ADAM29: variants seen among roughly 807,000 people sequenced by gnomAD.
The protein encoded by ADAM29 is ADAM metallopeptidase domain 29.
For synonymous variants in ADAM29, 367 were observed against 342.3 expected (o/e 1.07, Z -0.80); for missense variants, 969 against 1,001.8 (o/e 0.97, Z 0.44).
chr4:174,976,927 T>A lies in ADAM29; in HGVS notation c.1402T>A (p.Cys468Ser). 6.2e-7 allele frequency: 1 copy of A among 1,614,082 alleles called. No homozygotes were observed. The highest frequency in any genetic ancestry group is 8.5e-7 in the Non-Finnish European group (1 of 1,180,016). ...EVNECDLPEW[C>S]NGTSHKCPDD... is the part of the protein sequence containing the mutation. The stretch of plus-strand genomic sequence containing the variant: ...CAATGAATGTGATCTTCCAGAGTGG[T>A]GCAATGGTACTTCCCATAAGTGCCC... The change falls in exon 5 of 5, where the codon TGC (cysteine) becomes AGC (serine). Residue 468 changes from cysteine to serine, a missense_variant. Transcript: ENST00000359240.
Position 174,938,553 on chromosome 4 carries a change from GTTTCATAAAATAATGT to G in ADAM29, c.-181+1552_-181+1567del, listed in dbSNP as rs375668136. ...TTTTAAATATTCAGACTTTGCTCAGGTTTCATAAAATAATGTTTTCATAAAATGTACAGCAAAACAA... is the reference window on the plus strand; with the variant it reads ...TTTTAAATATTCAGACTTTGCTCAGGTTTCATAAAATGTACAGCAAAACAA... On this transcript the variant is annotated intron_variant, in intron 4 of 4. Coordinates refer to ENST00000359240, the MANE Select transcript of ADAM29 (RefSeq NM_014269.4). Among the ~76,000 whole-genome samples, 1,409 of 152,094 alleles carry G rather than the reference GTTTCATAAAATAATGT, an allele frequency of 9.3e-3. 16 individuals carry two copies. Among genetic ancestry groups the G allele is most frequent in the African/African-American group, 0.031 (1,298 of 41,510 alleles).
In ADAM29 at chr4:174,976,640, G is replaced by A. The variant is rs768408590; in HGVS notation, c.1115G>A (p.Gly372Asp). The change falls in exon 5 of 5, where the codon GGT (glycine) becomes GAT (aspartate). Residue 372 changes from glycine (G) to aspartate (D), a missense_variant. Physicochemically the swap from Gly to Asp is moderately conservative, Grantham distance 94. Transcript: ENST00000359240. Reference sequence around the variant, plus strand: ...ACTAAATTTAGCAATTGTAGTTATGGTGATTTTTGGGAATATACTGTAGAG... The same window carrying A: ...ACTAAATTTAGCAATTGTAGTTATGATGATTTTTGGGAATATACTGTAGAG... Reference protein sequence around the residue: ...PITKFSNCSYGDFWEYTVERT... With the variant: ...PITKFSNCSYDDFWEYTVERT... The A allele has an allele frequency of 4.3e-6, 7 of 1,613,190 alleles. No homozygotes were observed. In the East Asian group the frequency reaches 6.7e-5, roughly 15 times the overall value.
At chr4:174,966,512 T>C (rs1429107718) in intron 4 of ADAM29, among the ~76,000 whole-genome samples, 1 of 152,202 alleles carries the variant, frequency 6.6e-6, no homozygotes, top group Admixed American at 6.5e-5. Flanking sequence ...AGGATAGACA[T>C]CCTATTCCAA....
chr4:174,967,805 G>A (rs1746236339), intron 4 of ADAM29, among the ~76,000 whole-genome samples: 1 of 152,174 alleles, frequency 6.6e-6, no homozygotes, highest in Admixed American at 6.5e-5. Flanking sequence ...ACACTGAATT[G>A]TTGGGTGGTT....
At chr4:174,972,876 GCTCT>G (rs1341514334) in intron 4 of ADAM29, among the ~76,000 whole-genome samples, 1 of 152,016 alleles carries the variant, frequency 6.6e-6, no homozygotes, top group Admixed American at 6.6e-5. Context: ...TTTTTTGTCT[GCTCT>G]CTATGTACTG....
chr4:174,941,955 A>G (rs1304994767), intron 4 of ADAM29, among the ~76,000 whole-genome samples: 1 of 152,196 alleles, frequency 6.6e-6, no homozygotes, highest in African/African-American at 2.4e-5. Context: ...TCCATTCCAA[A>G]AGGGAAAAAT....
chr4:174,973,808 G>C (rs1203267880), intron 4 of ADAM29, among the ~76,000 whole-genome samples: 1 of 152,130 alleles, frequency 6.6e-6, no homozygotes, highest in African/African-American at 2.4e-5. Context: ...CCACTTTGAC[G>C]CCTGAAGATG....
chr4:174,968,771 CCACACACA>C (rs36211576), intron 4 of ADAM29, among the ~76,000 whole-genome samples: 3,888 of 148,782 alleles, frequency 0.026, 183 homozygotes, highest in African/African-American at 0.088. Flanking sequence ...CACTTTCCGC[CCACACACA>C]CACACACACA....
chr4:174,959,470 T>C (rs1745688487), intron 4 of ADAM29, among the ~76,000 whole-genome samples: 2 of 151,152 alleles, frequency 1.3e-5, no homozygotes, highest in African/African-American at 4.9e-5. Flanking sequence ...TGTGTGTGTG[T>C]GTGTGTGTGT....
At chr4:174,941,096 C>G (rs1579030383) in intron 4 of ADAM29, among the ~76,000 whole-genome samples, 1 of 151,930 alleles carries the variant, frequency 6.6e-6, no homozygotes, top group Admixed American at 6.6e-5. Flanking sequence ...TCCATTTGTA[C>G]AAATAAGCCT....
rs555061722 is a variant in ADAM29, at chr4:174,936,422, T to C, written c.-261-511T>C. Among the ~76,000 whole-genome samples, 7 of 152,162 alleles carry C rather than the reference T, an allele frequency of 4.6e-5. No individual in the cohort carries two copies. In the South Asian group the frequency reaches 1.0e-3, roughly 22 times the overall value. ...TTTGACATTTTTTGGAACAACATTT[T>C]ACGAAGTTTACTACTTTAGCAGAAT... On this transcript the variant is annotated intron_variant, in intron 3 of 4. Coordinates refer to ENST00000359240, the MANE Select transcript of ADAM29 (RefSeq NM_014269.4).
At chr4:174,971,767 C>T (rs1267698701) in intron 4 of ADAM29, among the ~76,000 whole-genome samples, 2 of 152,098 alleles carry the variant, frequency 1.3e-5, no homozygotes, top group South Asian at 2.1e-4. Flanking sequence ...AAGTGTTCAG[C>T]CATTATTTCT....
At chr4:174,950,980 G>A (rs9997704) in intron 4 of ADAM29, among the ~76,000 whole-genome samples, 2 of 151,930 alleles carry the variant, frequency 1.3e-5, no homozygotes, top group South Asian at 4.2e-4. Context: ...GTTTCCTGAG[G>A]CCTCCCAGCC....
intron 4 of ADAM29, among the ~76,000 whole-genome samples, chr4:174,940,674 A>T (rs1744484584): frequency 6.6e-6 from 1 of 152,150 alleles, no homozygotes. Context: ...CACTTAATAG[A>T]CATCACTTCA....
At chr4:174,951,197 C>G (rs1443558607) in intron 4 of ADAM29, among the ~76,000 whole-genome samples, 1 of 152,188 alleles carries the variant, frequency 6.6e-6, no homozygotes, top group Non-Finnish European at 1.5e-5. Context: ...TTTCTATCCA[C>G]TGGCCAATGT....
intron 2 of ADAM29, among the ~76,000 whole-genome samples, chr4:174,924,394 A>G (rs555655870): frequency 7.7e-4 from 117 of 152,346 alleles, no homozygotes; most frequent in African/African-American, 2.7e-3. Flanking sequence ...TTTGGAAGAC[A>G]GCTTGGGAGT....
chr4:174,919,836 A>G (rs1743069418), intron 1 of ADAM29, among the ~76,000 whole-genome samples: 1 of 152,168 alleles, frequency 6.6e-6, no homozygotes, highest in East Asian at 1.9e-4. Context: ...CACTCAAGTG[A>G]CATTTATCAT....
chr4:174,968,070 G>A (rs535803758), intron 4 of ADAM29, among the ~76,000 whole-genome samples: 2 of 151,684 alleles, frequency 1.3e-5, no homozygotes, highest in South Asian at 2.1e-4. Context: ...TTTTTCCTTC[G>A]TGTTTCTTTC....
intron 4 of ADAM29, among the ~76,000 whole-genome samples, chr4:174,947,796 G>A (rs954471565): frequency 1.3e-5 from 2 of 152,110 alleles, no homozygotes; most frequent in Non-Finnish European, 1.5e-5. Flanking sequence ...GAATAACTTT[G>A]TTAGTTTTCT....
Sources: gnomAD v4.1 joint callset for allele counts (sites outside exome capture counted in the v4.1 genomes callset) on GRCh38, gnomAD v4.1.1 for gene constraint, MANE v1.5 for transcripts, NCBI Gene and HGNC (gene_info 2026-07-23, HGNC 2026-07-21) for gene names.